CACNA1H: variants seen among roughly 807,000 people sequenced by gnomAD.
CACNA1H encodes calcium voltage-gated channel subunit alpha1 H.
Under a neutral mutation model 192.5 loss-of-function variants are expected in CACNA1H, and 149 were observed. That is an observed-to-expected ratio of 0.77 (90% CI 0.68 to 0.89). The LOEUF is 0.89. CACNA1H is among the 40% of genes least tolerant of loss of function. The pLI is 0.00. For synonymous variants in CACNA1H, 2,202 were observed against 1,475.2 expected (o/e 1.49, Z -11.29); for missense variants, 4,257 against 3,423.5 (o/e 1.24, Z -6.08).
intron 26 of CACNA1H, among the ~76,000 whole-genome samples, chr16:1,213,458 C>T (rs980594843): frequency 5.3e-5 from 8 of 152,104 alleles, no homozygotes; most frequent in Non-Finnish European, 1.0e-4. Context: ...CTCCTGGGGG[C>T]TGCCTGGCGC....
intron 2 of CACNA1H, among the ~76,000 whole-genome samples, chr16:1,187,447 C>T (rs1288992387): frequency 6.6e-6 from 1 of 152,266 alleles, no homozygotes; most frequent in Admixed American, 6.5e-5. Flanking sequence ...CTTCTCCTTC[C>T]TGCTGTGGGT....
intron 2 of CACNA1H, among the ~76,000 whole-genome samples, chr16:1,184,884 A>G (rs1382220650): frequency 2.2e-5 from 3 of 138,098 alleles, no homozygotes; most frequent in Non-Finnish European, 3.1e-5. Context: ...TTCACGTACC[A>G]TGGGATTAGC....
intron 16 of CACNA1H, 122 bp downstream of exon 16, chr16:1,208,343 T>C (rs968126916): frequency 2.5e-5 from 18 of 711,504 alleles, no homozygotes; most frequent in Non-Finnish European, 4.3e-5. Flanking sequence ...TCCCAGCCTG[T>C]GCAGAGACTG....
Position 1,179,945 on chromosome 16 carries a change from CA to C in CACNA1H, c.300-15026del, listed in dbSNP as rs1332422640. Among the ~76,000 whole-genome samples the C allele has an allele frequency of 3.3e-5, 5 of 152,138 alleles. No homozygotes were observed. In the East Asian group the frequency reaches 9.7e-4, roughly 29 times the overall value. On this transcript the variant is annotated intron_variant, in intron 2 of 34. Transcript: ENST00000348261. ...AGAGACGGGGTTTCACCATCTTGGCCAGGCTGGTGTTGAACTCCTGACCTCA... is the reference window on the plus strand; with the variant it reads ...AGAGACGGGGTTTCACCATCTTGGCCGGCTGGTGTTGAACTCCTGACCTCA...
Position 1,208,168 on chromosome 16 carries a change from C to T in CACNA1H, c.3310C>T (p.Arg1104Trp), listed in dbSNP as rs1198273560. Residue 1104 changes from arginine to tryptophan, a missense_variant, in exon 16 of 35, where the codon CGG becomes TGG. Arg to Trp is a moderately radical substitution (Grantham distance 101). Coordinates refer to ENST00000348261, the MANE Select transcript of CACNA1H (RefSeq NM_021098.3). ...LDAAPSLPDS[R>W]RGSSSSGDPP... ...TGCAGCCCCCAGCCTCCCAGACTCT[C>T]GGCGTGGCAGCAGCAGCTCCGGGGA... 1.3e-5 allele frequency: 21 copies of T among 1,566,950 alleles called. No homozygotes were observed. The highest frequency in any genetic ancestry group is 5.6e-5 in the Admixed American group (3 of 53,986).
intron 22 of CACNA1H, 70 bp from the exon 23 acceptor site, chr16:1,211,411 C>A: frequency 6.2e-7 from 1 of 1,606,882 alleles, no homozygotes. Context: ...GCCTCACTCG[C>A]GCCCCAGGAA....
chr16:1,204,494 T>A, intron 10 of CACNA1H, 36 bp downstream of exon 10: 2 of 1,489,178 alleles, frequency 1.3e-6, no homozygotes, highest in South Asian at 1.3e-5. Flanking sequence ...GGGCTCCCTG[T>A]CAGGCTTGCA....
intron 2 of CACNA1H, among the ~76,000 whole-genome samples, chr16:1,154,983 G>A (rs541360974): frequency 5.4e-4 from 82 of 152,324 alleles, no homozygotes; most frequent in African/African-American, 1.9e-3. Flanking sequence ...TTCTGCTCCG[G>A]GCCTGGGGAC....
At chr16:1,215,446 A>AGGGGC (rs1243776218) in intron 29 of CACNA1H, 71 bp downstream of exon 29, 2 of 587,730 alleles carry the variant, frequency 3.4e-6, no homozygotes, top group Non-Finnish European at 6.0e-6. Flanking sequence ...GGTGGGAGTG[A>AGGGGC]GGGGCGGGGC....
Position 1,167,222 on chromosome 16 carries a change from C to T in CACNA1H, c.299+13186C>T, listed in dbSNP as rs912634555. Among the ~76,000 whole-genome samples, 4 of 152,110 alleles carry T rather than the reference C, an allele frequency of 2.6e-5. No homozygotes were observed. Among genetic ancestry groups the T allele is most frequent in the African/African-American group, 9.7e-5 (4 of 41,438 alleles). On this transcript the variant is annotated intron_variant, in intron 2 of 34. Transcript: ENST00000348261. The surrounding 1 kb of genome is among the most constrained non-coding windows in gnomAD (Gnocchi z 4.2). Reference sequence around the variant, plus strand: ...CCGTGGGGATGAAACGGGCTCTTTGCGGGGGGCCTGTGGGGTATGGGCCTC... The same window carrying T: ...CCGTGGGGATGAAACGGGCTCTTTGTGGGGGGCCTGTGGGGTATGGGCCTC...
Position 1,210,564 on chromosome 16 carries a change from C to T in CACNA1H, c.3970-19C>T. On this transcript the variant is annotated intron_variant, in intron 19 of 34. Coordinates refer to ENST00000348261, the MANE Select transcript of CACNA1H (RefSeq NM_021098.3). ...GAGGGGTGGAGTGGACACAGCCCCC[C>T]ACCGTCCTCTCCCGGCAGGAGCGGG... The T allele has an allele frequency of 1.2e-6, 2 of 1,610,034 alleles. No homozygotes were observed. The highest frequency in any genetic ancestry group is 1.7e-6 in the Non-Finnish European group (2 of 1,179,782).
Position 1,194,970 on chromosome 16 carries a change from A to C in CACNA1H, c.300-2A>C, listed in dbSNP as rs1310824056. The C allele has an allele frequency of 6.2e-7, 1 of 1,609,120 alleles. No individual in the cohort carries two copies. The highest frequency in any genetic ancestry group is 1.7e-5 in the Admixed American group (1 of 59,986). ...GGTGTGCTCCTTAACCCGCGGCGAC[A>C]CATGGTTCGAGCACGTGAGCATGCT... On this transcript the variant is annotated splice_acceptor_variant, in intron 2 of 34. Coordinates refer to ENST00000348261, the MANE Select transcript of CACNA1H (RefSeq NM_021098.3). LOFTEE classifies it high-confidence loss of function.
intron 2 of CACNA1H, among the ~76,000 whole-genome samples, chr16:1,185,718 G>C (rs1474598918): frequency 9.7e-5 from 3 of 30,990 alleles, no homozygotes; most frequent in Non-Finnish European, 1.3e-4. Flanking sequence ...GTGCGTAGGG[G>C]CCGGAGGCGG....
At chr16:1,203,937 T>G in intron 9 of CACNA1H, 73 bp from the exon 10 acceptor site, 1 of 1,134,768 alleles carries the variant, frequency 8.8e-7, no homozygotes. Context: ...ACCGCTCCTG[T>G]GTGTGAGGGT....
At position 1,220,788 on chromosome 16, in the gene CACNA1H, C is replaced by T; in HGVS notation, c.6856C>T (p.His2286Tyr). ...TGGAGACCCTTTCTTGGACGGTAGC[C>T]ACAGTGTGACCCCAGAATCCAGAGC... ...PSGDPFLDGSHSVTPESRASS... is the reference protein window; with the variant it reads ...PSGDPFLDGSYSVTPESRASS... Residue 2286 changes from histidine (H) to tyrosine (Y), a missense_variant, in exon 35 of 35, where the codon CAC (histidine) becomes TAC (tyrosine). His to Tyr is a moderately conservative substitution (Grantham distance 83). Transcript: ENST00000348261. 1.9e-6 allele frequency: 3 copies of T among 1,612,716 alleles called. No individual in the cohort carries two copies. The highest frequency in any genetic ancestry group is 2.5e-6 in the Non-Finnish European group (3 of 1,179,776).
intron 2 of CACNA1H, among the ~76,000 whole-genome samples, chr16:1,187,603 C>T (rs7186802): frequency 0.022 from 3,330 of 152,314 alleles, 84 homozygotes; most frequent in African/African-American, 0.06. Flanking sequence ...CCGATCCTCC[C>T]AGCTGCAGAG....
intron 5 of CACNA1H, among the ~76,000 whole-genome samples, chr16:1,196,714 G>A (rs986875902): frequency 9.9e-5 from 15 of 152,176 alleles, no homozygotes; most frequent in African/African-American, 2.9e-4. Flanking sequence ...TCTGCTGTGC[G>A]CTGGGTGTGA....
intron 8 of CACNA1H, among the ~76,000 whole-genome samples, chr16:1,201,178 C>A (rs938771797): frequency 2.0e-5 from 3 of 152,166 alleles, no homozygotes; most frequent in African/African-American, 7.2e-5. Flanking sequence ...AGGCCGCAGA[C>A]GTCTGTGGGG....
chr16:1,197,027 A>G (rs967545119), intron 5 of CACNA1H, among the ~76,000 whole-genome samples: 8 of 151,888 alleles, frequency 5.3e-5, no homozygotes, highest in Non-Finnish European at 1.0e-4. Flanking sequence ...ACCTGCAGCA[A>G]CCCCCCAAAG....
Sources: gnomAD v4.1 joint callset for allele counts (sites outside exome capture counted in the v4.1 genomes callset) on GRCh38, gnomAD v4.1.1 for gene constraint, Gnocchi (gnomAD v3.1) non-coding constraint, MANE v1.5 for transcripts, NCBI Gene and HGNC (gene_info 2026-07-23, HGNC 2026-07-21) for gene names.